Variants in UBE2D1 observed in about 807,000 individuals in gnomAD.
UBE2D1 encodes the protein ubiquitin-conjugating enzyme E2 D1.
UBE2D1 carries 9 observed loss-of-function variants against 24.6 expected under a neutral mutation model. The ratio of observed to expected loss-of-function variants is 0.37; its 90% CI spans 0.22 to 0.64. The LOEUF (loss-of-function observed/expected upper bound fraction) is 0.64. Among genes scored for constraint, UBE2D1 ranks in the 30% least tolerant of loss-of-function variants. UBE2D1 has a pLI of 0.64. For missense variants in UBE2D1, 87 were observed against 177.1 expected (o/e 0.49, Z 2.89); for synonymous variants, 57 against 57.6 (o/e 0.99, Z 0.04).
chr10:58,354,471 A>G (rs908109310), intron 1 of UBE2D1, among the ~76,000 whole-genome samples: 20 of 151,870 alleles, frequency 1.3e-4, no homozygotes, highest in Admixed American at 1.3e-3. Flanking sequence ...TTAACCTTTA[A>G]TATTATTAAG....
intron 1 of UBE2D1, among the ~76,000 whole-genome samples, chr10:58,337,177 CAT>C (rs546029041): frequency 6.9e-4 from 105 of 152,116 alleles, no homozygotes; most frequent in African/African-American, 2.1e-3. Context: ...TGATATCAAA[CAT>C]GTGACAAATT....
chr10:58,339,212 C>T (rs988929295), intron 1 of UBE2D1, among the ~76,000 whole-genome samples: 1 of 151,998 alleles, frequency 6.6e-6, no homozygotes, highest in African/African-American at 2.4e-5. Context: ...CTCAAGTGAC[C>T]CTCCCACCTC....
At chr10:58,351,962 C>T (rs773966593) in intron 1 of UBE2D1, among the ~76,000 whole-genome samples, 21 of 151,992 alleles carry the variant, frequency 1.4e-4, no homozygotes, top group Non-Finnish European at 2.8e-4. Flanking sequence ...TTATGTGGCA[C>T]GTAACTGTAT....
At chr10:58,363,245 A>G (rs1840219924) in intron 3 of UBE2D1, among the ~76,000 whole-genome samples, 1 of 152,180 alleles carries the variant, frequency 6.6e-6, no homozygotes, top group Non-Finnish European at 1.5e-5. Flanking sequence ...ACGGCTGCAG[A>G]AAATGATCTT....
At chr10:58,353,294 T>C (rs956189111) in intron 1 of UBE2D1, among the ~76,000 whole-genome samples, 7 of 152,190 alleles carry the variant, frequency 4.6e-5, no homozygotes, top group African/African-American at 1.4e-4. Context: ...TTAATAAATT[T>C]CTACATTTAG....
intron 1 of UBE2D1, among the ~76,000 whole-genome samples, chr10:58,338,319 A>G (rs1839924921): frequency 6.6e-6 from 1 of 152,246 alleles, no homozygotes; most frequent in Admixed American, 6.5e-5. Context: ...TAACTATACT[A>G]GAATATACTA....
intron 5 of UBE2D1, among the ~76,000 whole-genome samples, chr10:58,365,141 A>C (rs543893749): frequency 2.6e-5 from 4 of 152,100 alleles, no homozygotes; most frequent in Non-Finnish European, 4.4e-5. Context: ...AAACCTATTG[A>C]TATTTTATCC....
chr10:58,363,502 A>T, intron 3 of UBE2D1, 107 bp from the exon 4 acceptor site: 1 of 710,794 alleles, frequency 1.4e-6, no homozygotes, highest in Non-Finnish European at 2.2e-6. Flanking sequence ...AAATTATTTT[A>T]AACATGATGG....
rs371446649 is a variant in UBE2D1, at chr10:58,337,987, C to T, written c.24+2762C>T. Reference sequence around the variant, plus strand: ...TCAGCCTCCTGAGTAGCTGGGACTACAGGCGCATGCTGCCATGCCCCGCTG... The same window carrying T: ...TCAGCCTCCTGAGTAGCTGGGACTATAGGCGCATGCTGCCATGCCCCGCTG... On this transcript the variant is annotated intron_variant, in intron 1 of 6. Coordinates refer to ENST00000373910, the MANE Select transcript of UBE2D1 (RefSeq NM_003338.5). 8.6e-5 allele frequency among the ~76,000 whole-genome samples: 13 copies of T among 152,038 alleles called. 1 individual carries two copies. Among genetic ancestry groups the T allele is most frequent in the East Asian group, 5.8e-4 (3 of 5,186 alleles).
At chr10:58,367,611 A>ACTCTCAAG (rs1840270735) in intron 5 of UBE2D1, among the ~76,000 whole-genome samples, 1 of 152,114 alleles carries the variant, frequency 6.6e-6, no homozygotes, top group African/African-American at 2.4e-5. Context: ...TCTGTAGAGA[A>ACTCTCAAG]CTCTCAAGTT....
intron 1 of UBE2D1, among the ~76,000 whole-genome samples, chr10:58,346,668 C>T (rs1840021051): frequency 6.6e-6 from 1 of 152,048 alleles, no homozygotes; most frequent in African/African-American, 2.4e-5. Flanking sequence ...AGATATGACG[C>T]TAGAAAGAAG....
At chr10:58,339,653 G>A (rs1426953149) in intron 1 of UBE2D1, among the ~76,000 whole-genome samples, 1 of 151,860 alleles carries the variant, frequency 6.6e-6, no homozygotes, top group East Asian at 1.9e-4. Context: ...TACAGATGAT[G>A]ATACTAAGGC....
intron 1 of UBE2D1, among the ~76,000 whole-genome samples, chr10:58,346,170 C>T (rs1840013947): frequency 6.6e-6 from 1 of 151,924 alleles, no homozygotes; most frequent in Non-Finnish European, 1.5e-5. Context: ...ACCACCATGC[C>T]CGGCTAATTT....
At chr10:58,368,663 T>C in intron 6 of UBE2D1, 57 bp from the exon 7 acceptor site, 1 of 1,265,220 alleles carries the variant, frequency 7.9e-7, no homozygotes, top group Non-Finnish European at 1.1e-6. Context: ...ATTAGACAGA[T>C]GCTTCTGAAA....
chr10:58,351,231 TAATA>T (rs915354648), intron 1 of UBE2D1, among the ~76,000 whole-genome samples: 1 of 152,242 alleles, frequency 6.6e-6, no homozygotes, highest in African/African-American at 2.4e-5. Context: ...CTTTCTTCAA[TAATA>T]AATTAAACTT....
At chr10:58,363,281 G>T (rs890832247) in intron 3 of UBE2D1, among the ~76,000 whole-genome samples, 9 of 152,066 alleles carry the variant, frequency 5.9e-5, no homozygotes, top group African/African-American at 1.2e-4. Context: ...TGTGTATACT[G>T]ATCTTTAACA....
rs1317063017 is a variant in UBE2D1, at chr10:58,368,004, C to T, written c.386C>T (p.Ser129Leu). 6.2e-7 allele frequency: 1 copy of T among 1,608,248 alleles called. No individual in the cohort carries two copies. The highest frequency in any genetic ancestry group is 1.1e-5 in the South Asian group (1 of 90,796). ...LVPDIAQIYK[S>L]DKEKYNRHAR... ...CCAGATATTGCACAAATCTATAAAT[C>T]AGACAAAGAAAAGTAAGTGTTTACT... The change falls in exon 6 of 7, where the codon TCA becomes TTA. Residue 129 changes from serine (S) to leucine (L), a missense_variant. Ser to Leu is a moderately radical substitution (Grantham distance 145). Coordinates refer to ENST00000373910, the MANE Select transcript of UBE2D1 (RefSeq NM_003338.5).
In UBE2D1 at chr10:58,363,670, C is replaced by A; in HGVS notation, c.182C>A (p.Pro61His). Residue 61 changes from proline to histidine, a missense_variant, in exon 4 of 7, where the codon CCT becomes CAT. Coordinates refer to ENST00000373910, the MANE Select transcript of UBE2D1 (RefSeq NM_003338.5). ...ACTGTACATTTTCCGACAGATTATC[C>A]TTTTAAACCACCAAAGGTATTTTTA... ...FLTVHFPTDYPFKPPKIAFTT... is the reference protein window; with the variant it reads ...FLTVHFPTDYHFKPPKIAFTT... The A allele has an allele frequency of 6.2e-7, 1 of 1,610,482 alleles. No individual in the cohort carries two copies.
At chr10:58,364,072 T>A (rs1199147594) in intron 4 of UBE2D1, among the ~76,000 whole-genome samples, 1 of 151,876 alleles carries the variant, frequency 6.6e-6, no homozygotes, top group African/African-American at 2.4e-5. Context: ...ACCGAGTACC[T>A]ACTGTGTTCT....
Sources: gnomAD v4.1 joint callset for allele counts (sites outside exome capture counted in the v4.1 genomes callset) on GRCh38, gnomAD v4.1.1 for gene constraint, MANE v1.5 for transcripts, NCBI Gene and HGNC (gene_info 2026-07-23, HGNC 2026-07-21) for gene names.